The following ZNF516 variants were observed in gnomAD, a reference collection of about 807,000 sequenced individuals.
ZNF516 encodes the protein zinc finger protein 516.
A neutral mutation model predicts 79.7 loss-of-function variants in ZNF516; 19 were observed. The observed-to-expected ratio is 0.24, with a 90% CI of 0.17 to 0.35. The LOEUF (loss-of-function observed/expected upper bound fraction) is 0.35, where lower values mean the gene tolerates loss of function less well. Among genes scored for constraint, ZNF516 ranks in the 10% least tolerant of loss-of-function variants. The pLI, the probability that ZNF516 is intolerant of heterozygous loss-of-function variation, is 1.00. For missense variants in ZNF516, 1,678 were observed against 1,679.5 expected, an observed-to-expected ratio of 1.00 and a Z score of 0.02; for synonymous variants, 877 against 739.5, an observed-to-expected ratio of 1.19 and a Z score of -3.02.
upstream of ZNF516, chr18:76,496,381 A>T (rs1032575277): frequency 3.1e-6 from 4 of 1,289,558 alleles, no homozygotes; most frequent in East Asian, 5.5e-5. Context: ...TCAGCGCTGC[A>T]ATCCTGGCGG....
At chr18:76,437,105 G>A (rs910137033) in intron 3 of ZNF516, among the ~76,000 whole-genome samples, 34 of 28,036 alleles carry the variant, frequency 1.2e-3, no homozygotes, top group African/African-American at 4.0e-3. Context: ...CACACATACC[G>A]TCTCTCACCC....
chr18:76,426,933 G>A (rs2075601296), intron 3 of ZNF516, among the ~76,000 whole-genome samples: 1 of 152,210 alleles, frequency 6.6e-6, no homozygotes, highest in Non-Finnish European at 1.5e-5. Flanking sequence ...CAAGGATCCT[G>A]GAACCGAGGC....
At chr18:76,492,054 G>A (rs548309058) in intron 1 of ZNF516, 2 of 624,824 alleles carry the variant, frequency 3.2e-6, no homozygotes, top group Non-Finnish European at 4.0e-6. Context: ...CCTGGTGGCC[G>A]GGCACACCCG....
At chr18:76,449,962 T>C (rs999520619) in intron 2 of ZNF516, among the ~76,000 whole-genome samples, 2 of 152,168 alleles carry the variant, frequency 1.3e-5, no homozygotes, top group South Asian at 2.1e-4. Context: ...TTCAAACATA[T>C]TGTAGCTCCA....
chr18:76,370,183 C>A lies in ZNF516; in HGVS notation c.3432+345G>T, dbSNP rs114145215. ...AAATAATGTTCTTCAAGGAGGTTAA[C>A]CACAATTTGTTCTCAAGCAAACTCA... On this transcript the variant is annotated intron_variant, in intron 6 of 6. Transcript: ENST00000443185. Among the ~76,000 whole-genome samples the A allele has an allele frequency of 4.6e-3, 705 of 152,312 alleles. 4 individuals carry two copies. The highest frequency in any genetic ancestry group is 0.016 in the African/African-American group (660 of 41,562).
At chr18:76,370,163 A>G (rs888547982) in intron 6 of ZNF516, among the ~76,000 whole-genome samples, 3 of 152,222 alleles carry the variant, frequency 2.0e-5, no homozygotes, top group African/African-American at 7.2e-5. Context: ...CACAAAAATA[A>G]TGTTCTTCAA....
intron 3 of ZNF516, chr18:76,385,542 T>TA (rs2074973911): frequency 6.6e-6 from 1 of 152,252 alleles, no homozygotes; most frequent in Non-Finnish European, 1.5e-5. Flanking sequence ...CTTCCGCGCT[T>TA]ACGGCTGCTC....
At chr18:76,388,957 A>G (rs972963719) in intron 3 of ZNF516, 32 of 152,486 alleles carry the variant, frequency 2.1e-4, no homozygotes, top group African/African-American at 7.2e-4. Context: ...TGAACCATAC[A>G]TGGAAGAGGA....
At chr18:76,391,837 G>C (rs563650508) in intron 3 of ZNF516, among the ~76,000 whole-genome samples, 2 of 152,368 alleles carry the variant, frequency 1.3e-5, no homozygotes, top group African/African-American at 4.8e-5. Flanking sequence ...TAAGGCTGTT[G>C]TCTCAGCCTC....
At chr18:76,425,950 C>T (rs1050358750) in intron 3 of ZNF516, among the ~76,000 whole-genome samples, 4 of 152,198 alleles carry the variant, frequency 2.6e-5, no homozygotes, top group African/African-American at 4.8e-5. Context: ...CTGCTCTTCG[C>T]GGCACAGGGA....
Position 76,493,172 on chromosome 18 carries a change from A to T in ZNF516, c.-272+1972T>A. The T allele has an allele frequency of 1.0e-6, 1 of 985,058 alleles. No individual in the cohort carries two copies. 61.0% of individuals were successfully genotyped at this position (985,058 alleles called of 1,614,324 possible). A position where few individuals can be genotyped will look rare whatever the true frequency, so the allele number is the denominator to read the frequency against. On this transcript the variant is annotated intron_variant, in intron 1 of 6. Coordinates refer to ENST00000443185, the MANE Select transcript of ZNF516 (RefSeq NM_014643.4). This position sits in a 1 kb window ranked among gnomAD's most constrained non-coding sequence, Gnocchi z 5.2. Reference sequence around the variant, plus strand: ...AACAGCAGAGCTCTGAAAGTTAGCCATCTGCGCAGAGTTTGCCTTCTTTAA... The same window carrying T: ...AACAGCAGAGCTCTGAAAGTTAGCCTTCTGCGCAGAGTTTGCCTTCTTTAA...
At chr18:76,450,148 C>A in intron 2 of ZNF516, among the ~76,000 whole-genome samples, 1 of 125,816 alleles carries the variant, frequency 7.9e-6, no homozygotes, top group African/African-American at 3.2e-5. Context: ...GGAGAGAAGG[C>A]AAATGTACCA....
rs1911778020 is a variant in ZNF516, at chr18:76,442,702, G to C, written c.353C>G (p.Thr118Ser). ...SEGLDACASP[T>S]KSASACNRLL... ...CCGGTTGCAGGCCGAGGCGCTCTTG[G>C]TGGGGCTGGCGCAGGCGTCCAGGCC... is the stretch of plus-strand genomic sequence containing the variant. The change falls in exon 3 of 7, where the codon ACC (threonine) becomes AGC (serine). Residue 118 changes from threonine (T) to serine (S), a missense_variant. By Grantham distance (58) the Thr-to-Ser change is moderately conservative. Coordinates refer to ENST00000443185, the MANE Select transcript of ZNF516 (RefSeq NM_014643.4). 2 of 1,583,164 alleles carry C rather than the reference G, an allele frequency of 1.3e-6. No individual in the cohort carries two copies. The highest frequency in any genetic ancestry group is 1.8e-5 in the Admixed American group (1 of 56,112).
chr18:76,454,532 T>C (rs1215142761), intron 2 of ZNF516, among the ~76,000 whole-genome samples: 1 of 152,234 alleles, frequency 6.6e-6, no homozygotes, highest in East Asian at 1.9e-4. Context: ...TAACATGACC[T>C]AGTTTATCAC....
At chr18:76,488,051 G>A (rs940807925) in intron 1 of ZNF516, 4 of 985,170 alleles carry the variant, frequency 4.1e-6, no homozygotes, top group Non-Finnish European at 4.8e-6. Flanking sequence ...CTTGTCCACA[G>A]CCCCCACCTC....
intron 1 of ZNF516, among the ~76,000 whole-genome samples, chr18:76,474,652 G>C (rs995043751): frequency 6.6e-6 from 1 of 151,978 alleles, no homozygotes; most frequent in Non-Finnish European, 1.5e-5. Flanking sequence ...CCTTAAATTT[G>C]AATTTTAAAG....
intron 1 of ZNF516, among the ~76,000 whole-genome samples, chr18:76,464,823 G>A (rs575490812): frequency 1.3e-5 from 2 of 152,324 alleles, no homozygotes; most frequent in African/African-American, 2.4e-5. Context: ...TTTTTTTCAT[G>A]ATTTAGTCAA....
chr18:76,423,658 A>C lies in ZNF516; in HGVS notation c.1810+17587T>G, dbSNP rs2075541120. Among the ~76,000 whole-genome samples, 2 of 118,204 alleles carry C rather than the reference A, an allele frequency of 1.7e-5. 1 individual carries two copies. Among genetic ancestry groups the C allele is most frequent in the Non-Finnish European group, 3.6e-5 (2 of 55,036 alleles). The allele number at this position is 118,204 out of a possible 152,430, so 77.5% of individuals were successfully genotyped here. A position where few individuals can be genotyped will look rare whatever the true frequency, so the allele number is the denominator to read the frequency against. On this transcript the variant is annotated intron_variant, in intron 3 of 6. Transcript: ENST00000443185. ...TCCCCCCGAAACACACGCAGGTGAA[A>C]AGGCTCCCTCCTGAAACATACACAC...
intron 6 of ZNF516, among the ~76,000 whole-genome samples, chr18:76,367,576 TC>T (rs1709247437): frequency 6.6e-6 from 1 of 152,224 alleles, no homozygotes; most frequent in African/African-American, 2.4e-5. Flanking sequence ...GTTCCTCCAC[TC>T]CGGGCCTTCC....
Sources: allele counts gnomAD v4.1 joint callset (sites outside exome capture counted in the v4.1 genomes callset), GRCh38; gene constraint gnomAD v4.1.1; non-coding constraint Gnocchi (gnomAD v3.1); transcripts MANE v1.5; gene names NCBI Gene and HGNC (gene_info 2026-07-23, HGNC 2026-07-21).